The following USP12 variants were observed in gnomAD, a reference collection of about 807,000 sequenced individuals.
USP12 encodes ubiquitin specific peptidase 12.
USP12 carries 19 observed loss-of-function variants against 45.5 expected under a neutral mutation model. The ratio of observed to expected loss-of-function variants is 0.42; its 90% CI spans 0.29 to 0.61. The LOEUF is 0.61. Among genes scored for constraint, USP12 ranks in the 20% least tolerant of loss-of-function variants. The pLI is 0.22. For synonymous variants in USP12, 149 were observed against 148.8 expected (o/e 1.00, Z -0.01); for missense variants, 242 against 447.7 (o/e 0.54, Z 4.15).
intron 6 of USP12, among the ~76,000 whole-genome samples, chr13:27,083,412 C>T (rs1302009366): frequency 6.6e-6 from 1 of 152,108 alleles, no homozygotes; most frequent in Non-Finnish European, 1.5e-5. Flanking sequence ...ATGCAATGTT[C>T]TGTTCTCTAA....
At chr13:27,134,175 C>A (rs1876674288) in intron 1 of USP12, among the ~76,000 whole-genome samples, 1 of 152,162 alleles carries the variant, frequency 6.6e-6, no homozygotes, top group Non-Finnish European at 1.5e-5. Context: ...CACATTATGA[C>A]TGAAATGTGT....
chr13:27,118,818 G>T (rs1389347097), intron 1 of USP12, among the ~76,000 whole-genome samples: 8 of 152,166 alleles, frequency 5.3e-5, no homozygotes, highest in African/African-American at 1.2e-4. Context: ...ACAGGTGAAG[G>T]TTATCTCTCT....
chr13:27,131,275 G>A (rs1362546513), intron 1 of USP12, among the ~76,000 whole-genome samples: 5 of 152,214 alleles, frequency 3.3e-5, no homozygotes, highest in African/African-American at 1.2e-4. Context: ...GTGAGAGGGT[G>A]AGCAGTGAGC....
chr13:27,088,506 T>C (rs1874173727), intron 6 of USP12, among the ~76,000 whole-genome samples: 2 of 151,856 alleles, frequency 1.3e-5, no homozygotes, highest in Admixed American at 6.6e-5. Flanking sequence ...GTTCCCACCA[T>C]TTGCCAAATA....
At chr13:27,090,525 CAGGAT>C (rs1421327477) in intron 4 of USP12, among the ~76,000 whole-genome samples, 9 of 151,966 alleles carry the variant, frequency 5.9e-5, no homozygotes, top group Non-Finnish European at 8.8e-5. Context: ...TCACACAGGA[CAGGAT>C]ATCTGTATTG....
chr13:27,075,409 A>G (rs1228354809), intron 6 of USP12, 21 bp from the exon 7 acceptor site: 1 of 1,587,504 alleles, frequency 6.3e-7, no homozygotes, highest in Non-Finnish European at 8.6e-7. Flanking sequence ...TAAAAATGAA[A>G]ACAAAATTTC....
intron 3 of USP12, among the ~76,000 whole-genome samples, chr13:27,096,990 A>T (rs2484115): frequency 0.049 from 7,474 of 152,210 alleles, 579 homozygotes; most frequent in African/African-American, 0.16. Flanking sequence ...AGAAATCTTT[A>T]AAAAAGTTTT....
intron 1 of USP12, among the ~76,000 whole-genome samples, chr13:27,160,406 A>T (rs1368357793): frequency 2.0e-5 from 3 of 151,942 alleles, no homozygotes; most frequent in Non-Finnish European, 4.4e-5. Context: ...TCCCCCGTGG[A>T]GGAGATATAA....
intron 3 of USP12, among the ~76,000 whole-genome samples, chr13:27,103,124 T>C (rs145723589): frequency 1.5e-3 from 226 of 152,336 alleles, no homozygotes; most frequent in African/African-American, 5.2e-3. Context: ...GGGGCTAATA[T>C]CTATTGAGAA....
chr13:27,103,314 T>G (rs1251317811), intron 3 of USP12, among the ~76,000 whole-genome samples: 1 of 152,158 alleles, frequency 6.6e-6, no homozygotes, highest in Non-Finnish European at 1.5e-5. Flanking sequence ...TATATTCTTC[T>G]CTACACAATT....
chr13:27,093,520 A>G (rs1874418061), intron 4 of USP12, among the ~76,000 whole-genome samples: 1 of 152,226 alleles, frequency 6.6e-6, no homozygotes, highest in Admixed American at 6.5e-5. Flanking sequence ...AACTGACAAC[A>G]CCAAATGTCA....
intron 1 of USP12, among the ~76,000 whole-genome samples, chr13:27,131,932 C>A (rs961841553): frequency 3.3e-5 from 5 of 152,142 alleles, no homozygotes; most frequent in Non-Finnish European, 7.3e-5. Context: ...TTGACACACA[C>A]ACTACCTCCC....
intron 1 of USP12, among the ~76,000 whole-genome samples, chr13:27,119,638 C>T (rs778000643): frequency 2.6e-5 from 4 of 152,344 alleles, no homozygotes; most frequent in East Asian, 1.9e-4. Context: ...AACATTCTAT[C>T]GTTTCCGATC....
intron 1 of USP12, among the ~76,000 whole-genome samples, chr13:27,157,440 T>C (rs1250907983): frequency 6.6e-6 from 1 of 152,208 alleles, no homozygotes; most frequent in East Asian, 1.9e-4. Flanking sequence ...CTTTACCCGC[T>C]GTATCAGAAG....
At chr13:27,081,579 C>T (rs1873762010) in intron 6 of USP12, among the ~76,000 whole-genome samples, 2 of 152,138 alleles carry the variant, frequency 1.3e-5, no homozygotes, top group African/African-American at 4.8e-5. Context: ...ATATTTTAAC[C>T]TCCTCCCATG....
chr13:27,110,352 C>G (rs1875378361), intron 2 of USP12, among the ~76,000 whole-genome samples: 1 of 152,172 alleles, frequency 6.6e-6, no homozygotes, highest in African/African-American at 2.4e-5. Flanking sequence ...AAGACAGACA[C>G]TAGGCAGAGC....
intron 6 of USP12, chr13:27,077,510 A>G (rs1873545283): frequency 6.6e-6 from 1 of 152,230 alleles, no homozygotes; most frequent in Non-Finnish European, 1.5e-5. Flanking sequence ...AATATGTTTA[A>G]TAAGATAACA....
Position 27,070,777 on chromosome 13 carries a change from TCCCGACCTCAGGTGATCCG to T in USP12, c.1011+275_1011+293del, listed in dbSNP as rs1283181015. Among the ~76,000 whole-genome samples the T allele has an allele frequency of 2.0e-5, 3 of 152,264 alleles. No individual in the cohort carries two copies. The East Asian group carries it at 5.8e-4, about 29-fold the overall frequency. On this transcript the variant is annotated intron_variant, in intron 8 of 8. Coordinates refer to ENST00000282344, the MANE Select transcript of USP12 (RefSeq NM_182488.4). ...CATATTGGTCAGGCTGGTCTCAAACTCCCGACCTCAGGTGATCCGCCCGCCTCAGCCTCCCCAAGTGCTG... is the reference window on the plus strand; with the variant it reads ...CATATTGGTCAGGCTGGTCTCAAACTCCCGCCTCAGCCTCCCCAAGTGCTG...
intron 2 of USP12, among the ~76,000 whole-genome samples, chr13:27,107,933 T>C (rs1477519154): frequency 6.6e-6 from 1 of 152,012 alleles, no homozygotes; most frequent in African/African-American, 2.4e-5. Flanking sequence ...ACACTGTTGG[T>C]GGGACTGTAA....
Sources: gnomAD v4.1 joint callset for allele counts (sites outside exome capture counted in the v4.1 genomes callset) on GRCh38, gnomAD v4.1.1 for gene constraint, MANE v1.5 for transcripts, NCBI Gene and HGNC (gene_info 2026-07-23, HGNC 2026-07-21) for gene names.